The following GPR155 variants were observed in gnomAD, a reference collection of about 807,000 sequenced individuals.
GPR155 encodes lysosomal cholesterol signaling protein.
GPR155 carries 65 observed loss-of-function variants against 93.1 expected under a neutral mutation model. The ratio of observed to expected loss-of-function variants is 0.70; its 90% CI spans 0.57 to 0.86. GPR155 has a LOEUF of 0.86. Among genes scored for constraint, GPR155 ranks in the 40% least tolerant of loss-of-function variants. The pLI is 0.00. For synonymous variants in GPR155, 319 were observed against 360.1 expected (o/e 0.89, Z 1.29); for missense variants, 838 against 1,034.8 (o/e 0.81, Z 2.61).
intron 7 of GPR155, among the ~76,000 whole-genome samples, chr2:174,465,417 C>G (rs181134368): frequency 1.3e-5 from 2 of 152,268 alleles, no homozygotes; most frequent in Admixed American, 6.5e-5. Context: ...TTTCCCTGTT[C>G]AGCAGGACTC....
chr2:174,472,538 A>G (rs1688026362), intron 3 of GPR155, among the ~76,000 whole-genome samples: 1 of 152,230 alleles, frequency 6.6e-6, no homozygotes, highest in African/African-American at 2.4e-5. Context: ...CCAACCTCAG[A>G]ACTACAAAAT....
intron 9 of GPR155, among the ~76,000 whole-genome samples, chr2:174,460,469 G>C (rs948043354): frequency 2.0e-5 from 3 of 151,944 alleles, no homozygotes; most frequent in African/African-American, 4.8e-5. Context: ...GCCATCTTAG[G>C]GCACGTTTTT....
chr2:174,451,345 C>CA (rs1387841329), intron 11 of GPR155, among the ~76,000 whole-genome samples: 1 of 151,780 alleles, frequency 6.6e-6, no homozygotes, highest in African/African-American at 2.4e-5. Flanking sequence ...ACAGATATTA[C>CA]AAAAATGGAT....
chr2:174,447,356 T>C (rs1687166368), intron 11 of GPR155, among the ~76,000 whole-genome samples: 1 of 146,868 alleles, frequency 6.8e-6, no homozygotes, highest in Admixed American at 6.9e-5. Flanking sequence ...TATATATAAT[T>C]TTTATATAAT....
chr2:174,451,237 C>A (rs950970451), intron 11 of GPR155, among the ~76,000 whole-genome samples: 2 of 151,916 alleles, frequency 1.3e-5, no homozygotes, highest in Non-Finnish European at 2.9e-5. Context: ...TTGCTTGAAC[C>A]CGGGAGGCAG....
At chr2:174,450,339 G>C (rs1298237674) in intron 11 of GPR155, among the ~76,000 whole-genome samples, 3 of 152,094 alleles carry the variant, frequency 2.0e-5, no homozygotes, top group Non-Finnish European at 4.4e-5. Flanking sequence ...AAAGGAGGGA[G>C]AGGGCAAGGG....
chr2:174,454,682 GAGGGAAGGA>G (rs1218925437), intron 10 of GPR155, among the ~76,000 whole-genome samples: 1 of 137,496 alleles, frequency 7.3e-6, no homozygotes, highest in Non-Finnish European at 1.5e-5. Flanking sequence ...AGGAGGGAGG[GAGGGAAGGA>G]AGGGAAAGGA....
intron 14 of GPR155, among the ~76,000 whole-genome samples, chr2:174,441,430 A>T (rs1222541813): frequency 6.6e-6 from 1 of 151,322 alleles, no homozygotes; most frequent in African/African-American, 2.4e-5. Context: ...AATTTTTTTT[A>T]ATTTTTATTT....
chr2:174,432,914 C>T lies in GPR155; in HGVS notation c.*3202G>A, dbSNP rs1309925834. The stretch of plus-strand genomic sequence containing the variant: ...GAGTAGCTGGGACTATAGGTGCCCA[C>T]CACCACGTCTGGCTAATTTTTTGTA... On this transcript the variant is annotated 3_prime_UTR_variant, in exon 16 of 16. Transcript: ENST00000392552. The T allele has an allele frequency of 6.6e-6, 1 of 151,882 alleles. No homozygotes were observed. Among genetic ancestry groups the T allele is most frequent in the African/African-American group, 2.4e-5 (1 of 41,318 alleles). 9.4% of individuals were successfully genotyped at this position (151,882 alleles called of 1,614,324 possible).
chr2:174,437,556 T>G (rs1301987546), intron 15 of GPR155, among the ~76,000 whole-genome samples: 7 of 151,388 alleles, frequency 4.6e-5, no homozygotes, highest in Non-Finnish European at 1.0e-4. Context: ...CTTGTTGATT[T>G]TTTTATTTAT....
At chr2:174,441,901 C>T (rs919338978) in intron 14 of GPR155, among the ~76,000 whole-genome samples, 1 of 147,274 alleles carries the variant, frequency 6.8e-6, no homozygotes, top group Non-Finnish European at 1.5e-5. Context: ...TGCCACCACA[C>T]CTGGCTAATT....
chr2:174,440,840 A>T (rs1303281167), intron 14 of GPR155, among the ~76,000 whole-genome samples: 11 of 152,202 alleles, frequency 7.2e-5, no homozygotes, highest in Non-Finnish European at 1.5e-4. Context: ...TAATTCAAAG[A>T]AACCCTTCAC....
At position 174,473,144 on chromosome 2, in the gene GPR155, G is replaced by A. The variant is rs765209686; in HGVS notation, c.681C>T (p.Ile227=). The A allele has an allele frequency of 1.1e-5, 17 of 1,610,934 alleles. No homozygotes were observed. The highest frequency in any genetic ancestry group is 4.5e-5 in the East Asian group (2 of 44,852). ...TTCGATCAAGAATAAAATTGAAGGC[G>A]ATGCCAATGAAGACCATAAATACTA... The part of the protein sequence containing the change: ...NPIVFMVFIG[I]AFNFILDRKV... Residue 227 remains isoleucine (I), a synonymous_variant, in exon 3 of 16, where the codon ATC becomes ATT. Transcript: ENST00000392552.
intron 9 of GPR155, among the ~76,000 whole-genome samples, chr2:174,460,397 C>T (rs979459415): frequency 4.0e-5 from 6 of 151,826 alleles, no homozygotes; most frequent in Admixed American, 6.6e-5. Context: ...CTTCTGATCT[C>T]GTGACCCACC....
Position 174,457,196 on chromosome 2 carries a change from C to T in GPR155, c.1771+2682G>A, listed in dbSNP as rs148038449. Among the ~76,000 whole-genome samples, 21 of 152,200 alleles carry T rather than the reference C, an allele frequency of 1.4e-4. No homozygotes were observed. In the East Asian group the frequency reaches 1.7e-3, roughly 13 times the overall value. On this transcript the variant is annotated intron_variant, in intron 10 of 15. Transcript: ENST00000392552. ...GCATGGTGGCACACACCTGTAGACC[C>T]GGCTACTTGGGAAGCTGAAGAGGGA... is the stretch of plus-strand genomic sequence containing the variant.
intron 15 of GPR155, among the ~76,000 whole-genome samples, chr2:174,437,577 CTTTTT>C (rs397871619): frequency 1.2e-3 from 130 of 107,928 alleles, no homozygotes; most frequent in African/African-American, 4.2e-3. Flanking sequence ...GGCCTAACAC[CTTTTT>C]TTTTTTTTTT....
intron 15 of GPR155, among the ~76,000 whole-genome samples, chr2:174,437,986 C>T (rs970337835): frequency 1.3e-5 from 2 of 151,812 alleles, no homozygotes; most frequent in Non-Finnish European, 2.9e-5. Context: ...TATGGTGGCT[C>T]ACGCTTGTAA....
Position 174,446,755 on chromosome 2 carries a change from A to C in GPR155, c.1877-8T>G, listed in dbSNP as rs189293949. ...GACTCACACAATGATTGTCTATAAA[A>C]GAGTAAGCACAACAATTTGTAATCA... On this transcript the variant is annotated splice_polypyrimidine_tract_variant and splice_region_variant and intron_variant, in intron 11 of 15. Coordinates refer to ENST00000392552, the MANE Select transcript of GPR155 (RefSeq NM_152529.7). The C allele has an allele frequency of 2.1e-5, 34 of 1,612,680 alleles. No individual in the cohort carries two copies. In the East Asian group the frequency reaches 4.0e-4, roughly 19 times the overall value.
Position 174,435,338 on chromosome 2 carries a change from C to T in GPR155, c.*778G>A, listed in dbSNP as rs1471973792. On this transcript the variant is annotated 3_prime_UTR_variant, in exon 16 of 16. Coordinates refer to ENST00000392552, the MANE Select transcript of GPR155 (RefSeq NM_152529.7). Reference sequence around the variant, plus strand: ...TCTTATTGTTATTCCCTAAACAATACAGTATAACAACAACTATTTACATAG... The same window carrying T: ...TCTTATTGTTATTCCCTAAACAATATAGTATAACAACAACTATTTACATAG... 1 of 152,042 alleles carries T rather than the reference C, an allele frequency of 6.6e-6. No homozygotes were observed. The highest frequency in any genetic ancestry group is 1.5e-5 in the Non-Finnish European group (1 of 68,016). The allele number at this position is 152,042 out of a possible 1,614,324, so 9.4% of individuals were successfully genotyped here.
Sources: allele counts gnomAD v4.1 joint callset (sites outside exome capture counted in the v4.1 genomes callset), GRCh38; gene constraint gnomAD v4.1.1; transcripts MANE v1.5; gene names NCBI Gene and HGNC (gene_info 2026-07-23, HGNC 2026-07-21).